The following TM6SF1 variants were observed in gnomAD, a reference collection of about 807,000 sequenced individuals.
TM6SF1 encodes the protein transmembrane 6 superfamily member 1.
TM6SF1 carries 43 observed loss-of-function variants against 47.1 expected under a neutral mutation model. That is an observed-to-expected ratio of 0.91 (90% CI 0.72 to 1.18). The LOEUF is 1.18. Ranked by LOEUF, TM6SF1 falls within the 50% of genes most tolerant of loss-of-function variation. The pLI is 0.00. For synonymous variants in TM6SF1, 177 were observed against 166.3 expected, an observed-to-expected ratio of 1.06 and a Z score of -0.49; for missense variants, 390 against 449.0, an observed-to-expected ratio of 0.87 and a Z score of 1.19.
chr15:83,124,890 A>C, intron 7 of TM6SF1, 114 bp downstream of exon 7: 1 of 903,986 alleles, frequency 1.1e-6, no homozygotes, highest in Non-Finnish European at 1.7e-6. Flanking sequence ...GCAAACTAAC[A>C]AACCATTCCT....
At chr15:83,121,611 G>C (rs1208774890) in intron 4 of TM6SF1, among the ~76,000 whole-genome samples, 2 of 152,096 alleles carry the variant, frequency 1.3e-5, no homozygotes, top group Non-Finnish European at 2.9e-5. Context: ...CTTTCATGCT[G>C]TTGAGTTTCA....
At chr15:83,115,444 C>G (rs1431900233) in intron 2 of TM6SF1, 6 of 354,806 alleles carry the variant, frequency 1.7e-5, no homozygotes, top group Non-Finnish European at 2.2e-5. Flanking sequence ...ACTTAGTGGT[C>G]ACTTCTATGC....
chr15:83,125,490 T>C (rs1276790114), intron 7 of TM6SF1, among the ~76,000 whole-genome samples: 1 of 152,178 alleles, frequency 6.6e-6, no homozygotes, highest in Non-Finnish European at 1.5e-5. Flanking sequence ...CTACCTACCT[T>C]AACAGTATTG....
At position 83,125,145 on chromosome 15, in the gene TM6SF1, C is replaced by T. The variant is rs1038589053; in HGVS notation, c.708+369C>T. Among the ~76,000 whole-genome samples, 6 of 152,266 alleles carry T rather than the reference C, an allele frequency of 3.9e-5. No homozygotes were observed. The South Asian group carries it at 6.2e-4, about 16-fold the overall frequency. ...GCAACACAACTGTGGCACAGAGCATCCCTGTGTTCTCAGGAGTAGGGGCAA... is the reference window on the plus strand; with the variant it reads ...GCAACACAACTGTGGCACAGAGCATTCCTGTGTTCTCAGGAGTAGGGGCAA... On this transcript the variant is annotated intron_variant, in intron 7 of 9. Transcript: ENST00000322019.
In TM6SF1 at chr15:83,132,204, C is replaced by A. The variant is rs183758242; in HGVS notation, c.922-4277C>A. 42 of 152,312 alleles carry A rather than the reference C, an allele frequency of 2.8e-4. No homozygotes were observed. The East Asian group carries it at 8.1e-3, about 29-fold the overall frequency. 9.4% of individuals were successfully genotyped at this position (152,312 alleles called of 1,614,324 possible). A position where few individuals can be genotyped will look rare whatever the true frequency, so the allele number is the denominator to read the frequency against. ...TGTCTGGCACATAACAGCTATGTAA[C>A]CCTTTGTTGCTACTATTACTGGTAG... On this transcript the variant is annotated intron_variant, in intron 9 of 9. Coordinates refer to ENST00000322019, the MANE Select transcript of TM6SF1 (RefSeq NM_023003.5).
Position 83,107,822 on chromosome 15 carries a change from G to C in TM6SF1, c.92+50G>C. 1.3e-6 allele frequency: 2 copies of C among 1,536,750 alleles called. No individual in the cohort carries two copies. Among genetic ancestry groups the C allele is most frequent in the Non-Finnish European group, 1.8e-6 (2 of 1,142,798 alleles). Reference sequence around the variant, plus strand: ...TCGCGCCGAGGGGCGGCGGGAGTTGGCTCGCCGCGACGGGAGCCTCGCAAC... The same window carrying C: ...TCGCGCCGAGGGGCGGCGGGAGTTGCCTCGCCGCGACGGGAGCCTCGCAAC... On this transcript the variant is annotated intron_variant, in intron 1 of 9. Transcript: ENST00000322019. The surrounding 1 kb of genome is among the most constrained non-coding windows in gnomAD (Gnocchi z 5.6).
intron 6 of TM6SF1, 56 bp downstream of exon 6, chr15:83,122,934 A>G (rs1056942441): frequency 1.3e-6 from 2 of 1,598,014 alleles, no homozygotes; most frequent in Non-Finnish European, 1.7e-6. Flanking sequence ...GTTCTTTCGC[A>G]TCCACTGGCC....
chr15:83,110,873 ATTG>A (rs2034082681), intron 1 of TM6SF1, among the ~76,000 whole-genome samples: 1 of 152,046 alleles, frequency 6.6e-6, no homozygotes, highest in African/African-American at 2.4e-5. Flanking sequence ...AATGTAATTA[ATTG>A]TTATTATTTT....
At chr15:83,126,533 A>G (rs182612269) in intron 7 of TM6SF1, among the ~76,000 whole-genome samples, 36 of 152,282 alleles carry the variant, frequency 2.4e-4, no homozygotes, top group Non-Finnish European at 4.6e-4. Context: ...AATACCCAAG[A>G]ATAGGGCATT....
In TM6SF1 at chr15:83,115,849, T is replaced by C. The variant is rs564772209; in HGVS notation, c.201T>C (p.Tyr67=). The change falls in exon 3 of 10, where the codon TAT becomes TAC. Residue 67 remains tyrosine, a synonymous_variant. Coordinates refer to ENST00000322019, the MANE Select transcript of TM6SF1 (RefSeq NM_023003.5). ...KPPRDPLFYV[Y]AVFGFTSVVN... ...CTGCTGCTTTCTTTGCTCTAGTGTATGCAGTTTTTGGATTTACCAGCGTGG... is the reference window on the plus strand; with the variant it reads ...CTGCTGCTTTCTTTGCTCTAGTGTACGCAGTTTTTGGATTTACCAGCGTGG... 5.6e-6 allele frequency: 9 copies of C among 1,612,762 alleles called. No individual in the cohort carries two copies. In the South Asian group the frequency reaches 9.9e-5, roughly 18 times the overall value.
In TM6SF1 at chr15:83,107,843, G is replaced by T; in HGVS notation, c.92+71G>T. 1 of 1,504,574 alleles carries T rather than the reference G, an allele frequency of 6.6e-7. No homozygotes were observed. The highest frequency in any genetic ancestry group is 8.9e-7 in the Non-Finnish European group (1 of 1,126,040). The allele number at this position is 1,504,574 out of a possible 1,614,324, so 93.2% of individuals were successfully genotyped here. On this transcript the variant is annotated intron_variant, in intron 1 of 9. Coordinates refer to ENST00000322019, the MANE Select transcript of TM6SF1 (RefSeq NM_023003.5). The surrounding 1 kb of genome is among the most constrained non-coding windows in gnomAD (Gnocchi z 5.6). ...GTTGGCTCGCCGCGACGGGAGCCTC[G>T]CAACTTTTCCGAGGGGGCTGGGACC... is the stretch of plus-strand genomic sequence containing the variant.
At chr15:83,121,760 TA>T (rs1394372659) in intron 4 of TM6SF1, among the ~76,000 whole-genome samples, 160 bp from the exon 5 acceptor site, 6 of 152,228 alleles carry the variant, frequency 3.9e-5, no homozygotes, top group Admixed American at 1.3e-4. Flanking sequence ...TGAAGTTACA[TA>T]ACCAGGGCTC....
At chr15:83,112,345 T>A (rs2034265789) in intron 1 of TM6SF1, among the ~76,000 whole-genome samples, 3 of 152,200 alleles carry the variant, frequency 2.0e-5, no homozygotes. Context: ...TGTTTAGTTG[T>A]AATGCCTATA....
Position 83,127,382 on chromosome 15 carries a change from G to C in TM6SF1, c.826G>C (p.Val276Leu). The C allele has an allele frequency of 6.2e-7, 1 of 1,613,806 alleles. No individual in the cohort carries two copies. The change falls in exon 9 of 10, where the codon GTT becomes CTT. Residue 276 changes from valine (V) to leucine (L), a missense_variant. Val to Leu is a conservative substitution (Grantham distance 32). Coordinates refer to ENST00000322019, the MANE Select transcript of TM6SF1 (RefSeq NM_023003.5). ...IQMLAYMFYSVPYFVTALYGL... is the reference protein window; with the variant it reads ...IQMLAYMFYSLPYFVTALYGL... ...GATGCTGGCATATATGTTCTATTCT[G>C]TTCCTTACTTTGTGACTGCACTGTA...
Position 83,112,924 on chromosome 15 carries a change from T to C in TM6SF1, c.196+24T>C, listed in dbSNP as rs564400844. The C allele has an allele frequency of 2.0e-6, 3 of 1,527,822 alleles. No individual in the cohort carries two copies. The African/African-American group carries it at 4.1e-5, about 21-fold the overall frequency. 94.6% of individuals were successfully genotyped at this position (1,527,822 alleles called of 1,614,324 possible). On this transcript the variant is annotated intron_variant, in intron 2 of 9. Transcript: ENST00000322019. ...TGGTACGTCTCCACAAAGGGAAATC[T>C]TTTGTATCTGATTAATAACACAATA...
intron 9 of TM6SF1, chr15:83,128,484 C>A (rs2035963603): frequency 6.6e-6 from 1 of 152,176 alleles, no homozygotes; most frequent in African/African-American, 2.4e-5. Context: ...CCTTTGCAGA[C>A]CTCTAAATAC....
intron 7 of TM6SF1, among the ~76,000 whole-genome samples, chr15:83,126,391 G>A (rs1349730768): frequency 6.6e-6 from 1 of 152,198 alleles, no homozygotes; most frequent in Non-Finnish European, 1.5e-5. Flanking sequence ...GATGAATTTG[G>A]TGTAGAAATA....
intron 1 of TM6SF1, among the ~76,000 whole-genome samples, chr15:83,110,953 C>T (rs895714671): frequency 2.6e-5 from 4 of 152,216 alleles, no homozygotes; most frequent in African/African-American, 7.2e-5. Context: ...TCACTGCAGC[C>T]TCCAACCCCC....
At chr15:83,126,717 T>G (rs771184315) in intron 7 of TM6SF1, 38 bp from the exon 8 acceptor site, 1 of 1,528,142 alleles carries the variant, frequency 6.5e-7, no homozygotes, top group Non-Finnish European at 9.0e-7. Context: ...GAACCAGATG[T>G]GATTGTATTT....
Sources: gnomAD v4.1 joint callset for allele counts (sites outside exome capture counted in the v4.1 genomes callset) on GRCh38, gnomAD v4.1.1 for gene constraint, Gnocchi (gnomAD v3.1) non-coding constraint, MANE v1.5 for transcripts, NCBI Gene and HGNC (gene_info 2026-07-23, HGNC 2026-07-21) for gene names.